Variants in EPS15L1 observed in about 807,000 individuals in gnomAD.
EPS15L1 encodes the protein epidermal growth factor receptor pathway substrate 15 like 1, also known as epidermal growth factor receptor substrate 15-like 1.
In EPS15L1, 43 loss-of-function variants were observed where a neutral mutation model predicts 117.1. The observed-to-expected ratio is 0.37, with a 90% CI of 0.29 to 0.47. The LOEUF (loss-of-function observed/expected upper bound fraction) is 0.47, where lower values mean the gene tolerates loss of function less well. EPS15L1 is among the 20% of genes least tolerant of loss of function. The probability of loss-of-function intolerance (pLI) is 0.99; values close to 1 mark genes in which losing one functional copy is unlikely to be tolerated. For synonymous variants in EPS15L1, 459 were observed against 470.5 expected, an observed-to-expected ratio of 0.98 and a Z score of 0.32; for missense variants, 981 against 1,164.0, an observed-to-expected ratio of 0.84 and a Z score of 2.29.
intron 16 of EPS15L1, chr19:16,401,625 CA>C (rs1472661110): frequency 6.1e-6 from 6 of 985,384 alleles, no homozygotes; most frequent in African/African-American, 5.2e-5. Flanking sequence ...CTGGTGTGAA[CA>C]GGGGGGATGT....
intron 3 of EPS15L1, chr19:16,441,134 T>C: frequency 1.7e-6 from 1 of 580,462 alleles, no homozygotes; most frequent in African/African-American, 1.9e-5. Context: ...TGCACTCAGC[T>C]CCCAAGCCAA....
rs146083535 is a variant in EPS15L1 at position 16,377,132 on chromosome 19, T to A, written c.2370A>T (p.Lys790Asn). 24 of 1,604,866 alleles carry A rather than the reference T, an allele frequency of 1.5e-5. No homozygotes were observed. The highest frequency in any genetic ancestry group is 2.0e-5 in the Non-Finnish European group (23 of 1,176,528). The change falls in exon 22 of 24, where the codon AAA (lysine) becomes AAT (asparagine). Residue 790 changes from lysine (K) to asparagine (N), a missense_variant. By Grantham distance (94) the Lys-to-Asn change is moderately conservative. Around this residue, in one of 5 missense-constraint regions of EPS15L1, gnomAD observed 819 missense variants for 949.0 expected, o/e 0.86. Coordinates refer to ENST00000455140, the MANE Select transcript of EPS15L1 (RefSeq NM_001258374.3). ...AGAAAGCTTACTGACCGCTGGGCGG[T>A]TTAGGCCGTGGAGGAGCAGGTTTCT... ...PPKKPAPPRP[K>N]PPSGKSTPVS...
chr19:16,459,210 G>C (rs932832226), intron 1 of EPS15L1, among the ~76,000 whole-genome samples: 5 of 152,168 alleles, frequency 3.3e-5, no homozygotes, highest in Non-Finnish European at 5.9e-5. Flanking sequence ...CCTATGCTTG[G>C]GGCCGCTGCC....
intron 23 of EPS15L1, 181 bp downstream of exon 23, chr19:16,361,598 T>C: frequency 7.5e-7 from 1 of 1,326,218 alleles, no homozygotes; most frequent in Non-Finnish European, 9.6e-7. Flanking sequence ...TTTTTTTTTA[T>C]TGAGAAACTG....
intron 13 of EPS15L1, among the ~76,000 whole-genome samples, chr19:16,407,697 T>C (rs1568425292): frequency 6.6e-6 from 1 of 152,192 alleles, no homozygotes; most frequent in Non-Finnish European, 1.5e-5. Flanking sequence ...AAATACACAA[T>C]TGTTTAAACC....
chr19:16,410,220 C>T (rs1467045205), intron 13 of EPS15L1, among the ~76,000 whole-genome samples: 1 of 152,024 alleles, frequency 6.6e-6, no homozygotes, highest in East Asian at 1.9e-4. Flanking sequence ...GATTTTTCTC[C>T]AATGACTACA....
chr19:16,400,048 C>T (rs1350964876), intron 16 of EPS15L1, among the ~76,000 whole-genome samples: 1 of 152,106 alleles, frequency 6.6e-6, no homozygotes, highest in Non-Finnish European at 1.5e-5. Context: ...TTTAAGAACC[C>T]TGACTTTGGC....
intron 8 of EPS15L1, among the ~76,000 whole-genome samples, chr19:16,428,500 G>GGA (rs1178688061): frequency 3.7e-5 from 4 of 109,086 alleles, no homozygotes; most frequent in African/African-American, 1.5e-4. Flanking sequence ...AGGGAGGGAG[G>GGA]GAGAGAGAGA....
Position 16,417,993 on chromosome 19 carries a change from G to A in EPS15L1, c.1062C>T (p.Leu354=), listed in dbSNP as rs2092776115. The part of the protein sequence containing the change: ...VSKGIDPPQV[L]SPDMVPPSER... ...CCGAAGGCGGGACCATGTCCGGCGA[G>A]AGGACTTGAGGAGGGTCGATGCCTT... The change falls in exon 11 of 24, where the codon CTC becomes CTT. Residue 354 remains leucine, a synonymous_variant. Coordinates refer to ENST00000455140, the MANE Select transcript of EPS15L1 (RefSeq NM_001258374.3). The A allele has an allele frequency of 2.5e-6, 4 of 1,614,098 alleles. No individual in the cohort carries two copies. Among genetic ancestry groups the A allele is most frequent in the South Asian group, 1.1e-5 (1 of 91,094 alleles).
intron 16 of EPS15L1, 56 bp from the exon 17 acceptor site, chr19:16,395,523 A>G (rs2092530688): frequency 6.4e-7 from 1 of 1,554,490 alleles, no homozygotes; most frequent in African/African-American, 1.4e-5. Flanking sequence ...GTTAAAGCAA[A>G]GTACGGAATT....
chr19:16,401,504 G>A (rs1027992393), intron 16 of EPS15L1: 50 of 985,690 alleles, frequency 5.1e-5, no homozygotes, highest in Non-Finnish European at 6.0e-5. Flanking sequence ...AGGCAGCAGA[G>A]CACCAAGGAA....
intron 8 of EPS15L1, 49 bp downstream of exon 8, chr19:16,428,653 C>T (rs1460697579): frequency 6.7e-7 from 1 of 1,482,388 alleles, no homozygotes; most frequent in Non-Finnish European, 9.4e-7. Flanking sequence ...CCCCTGCGCA[C>T]TGCACATTTC....
At chr19:16,426,825 T>G (rs1355729821) in intron 8 of EPS15L1, among the ~76,000 whole-genome samples, 3 of 152,184 alleles carry the variant, frequency 2.0e-5, no homozygotes, top group Admixed American at 2.0e-4. Flanking sequence ...AGTAATATCC[T>G]GGGATTAGAT....
intron 19 of EPS15L1, among the ~76,000 whole-genome samples, chr19:16,390,210 G>C (rs2092462522): frequency 6.6e-6 from 1 of 152,124 alleles, no homozygotes; most frequent in Non-Finnish European, 1.5e-5. Flanking sequence ...TGAATAACAT[G>C]AGGAGAATGA....
In EPS15L1 at chr19:16,428,227, A is replaced by T. The variant is rs892201505; in HGVS notation, c.558+475T>A. On this transcript the variant is annotated intron_variant, in intron 8 of 23. Transcript: ENST00000455140. ...AAAAAAAAAAGAAAGAAAGAAAGAAAGAAGGCCAGGCACAGTGGCTCACGC... is the reference window on the plus strand; with the variant it reads ...AAAAAAAAAAGAAAGAAAGAAAGAATGAAGGCCAGGCACAGTGGCTCACGC... 2.7e-5 allele frequency among the ~76,000 whole-genome samples: 4 copies of T among 149,012 alleles called. 1 individual carries two copies. The highest frequency in any genetic ancestry group is 9.9e-5 in the African/African-American group (4 of 40,396).
At chr19:16,392,582 GC>G in intron 18 of EPS15L1, 142 bp from the exon 19 acceptor site, 1 of 799,808 alleles carries the variant, frequency 1.3e-6, no homozygotes, top group Non-Finnish European at 2.0e-6. Flanking sequence ...GATAATGGTG[GC>G]CAGGGGACCC....
intron 13 of EPS15L1, chr19:16,413,352 A>G (rs1371860483): frequency 1.4e-6 from 1 of 694,982 alleles, no homozygotes; most frequent in Non-Finnish European, 2.6e-6. Context: ...GGCTAGTATC[A>G]ATGACTGCTA....
intron 23 of EPS15L1, among the ~76,000 whole-genome samples, chr19:16,360,235 G>A (rs766372567): frequency 2.2e-4 from 33 of 152,076 alleles, no homozygotes; most frequent in Admixed American, 4.6e-4. Context: ...TGTGTGAAGA[G>A]TTCTGTTTTT....
At chr19:16,424,382 G>C (rs2092847868) in intron 9 of EPS15L1, among the ~76,000 whole-genome samples, 1 of 151,922 alleles carries the variant, frequency 6.6e-6, no homozygotes, top group Non-Finnish European at 1.5e-5. Flanking sequence ...GGTCTTGAGA[G>C]AACCACCAGA....
Sources: gnomAD v4.1 joint callset for allele counts (sites outside exome capture counted in the v4.1 genomes callset) on GRCh38, gnomAD v4.1.1 for gene constraint, gnomAD v4.1.1 regional missense constraint, MANE v1.5 for transcripts, NCBI Gene and HGNC (gene_info 2026-07-23, HGNC 2026-07-21) for gene names.